Variants in ARHGEF3 observed in about 807,000 individuals in gnomAD.
ARHGEF3 encodes 59.8 kDA protein.
Under a neutral mutation model 63.2 loss-of-function variants are expected in ARHGEF3, and 28 were observed. The observed-to-expected ratio is 0.44, with a 90% confidence interval of 0.33 to 0.61. The LOEUF is 0.61. Among genes scored for constraint, ARHGEF3 ranks in the 20% least tolerant of loss-of-function variants. ARHGEF3 has a pLI of 0.03. For synonymous variants in ARHGEF3, 266 were observed against 254.2 expected (o/e 1.05, Z -0.44); for missense variants, 533 against 659.3 (o/e 0.81, Z 2.10).
intron 2 of ARHGEF3, among the ~76,000 whole-genome samples, chr3:56,770,397 A>G (rs911532045): frequency 6.6e-6 from 1 of 151,300 alleles, no homozygotes; most frequent in Non-Finnish European, 1.5e-5. Context: ...GTGACAGAGC[A>G]AGACTCTGTC....
intron 3 of ARHGEF3, 33 bp downstream of exon 3, chr3:56,754,948 A>G: frequency 6.2e-7 from 1 of 1,613,688 alleles, no homozygotes; most frequent in South Asian, 1.1e-5. Flanking sequence ...TTTGTTCCAG[A>G]CACACAGCCA....
intron 2 of ARHGEF3, among the ~76,000 whole-genome samples, chr3:56,971,735 TC>T (rs1314255879): frequency 4.6e-5 from 7 of 151,748 alleles, no homozygotes; most frequent in African/African-American, 1.7e-4. Context: ...GCAACTGTAG[TC>T]CCAGCTACTC....
Position 56,730,441 on chromosome 3 carries a change from A to T in ARHGEF3, c.1229-819T>A, listed in dbSNP as rs1043306679. On this transcript the variant is annotated intron_variant, in intron 9 of 9. Transcript: ENST00000296315. ...GTCTTGCTCTGGAGTGCAGTGACAC[A>T]ATCTCCGCTCACTGCAACCTCTGCC... Among the ~76,000 whole-genome samples, 4 of 149,694 alleles carry T rather than the reference A, an allele frequency of 2.7e-5. No individual in the cohort carries two copies. The Admixed American group carries it at 2.7e-4, about 10-fold the overall frequency.
At chr3:57,037,737 T>C (rs111641788) in intron 1 of ARHGEF3, among the ~76,000 whole-genome samples, 317 of 152,248 alleles carry the variant, frequency 2.1e-3, no homozygotes, top group African/African-American at 7.4e-3. Context: ...TAGCCAGGCT[T>C]GGTGGCGGGC....
chr3:56,801,513 G>A (rs1267095476), intron 1 of ARHGEF3, among the ~76,000 whole-genome samples, 190 bp downstream of exon 1: 1 of 152,248 alleles, frequency 6.6e-6, no homozygotes, highest in Non-Finnish European at 1.5e-5. Flanking sequence ...AAAGGAGACA[G>A]GGTGAGAGAT....
chr3:56,948,901 CCAG>C (rs1211338072), intron 3 of ARHGEF3, among the ~76,000 whole-genome samples: 1 of 151,994 alleles, frequency 6.6e-6, no homozygotes, highest in African/African-American at 2.4e-5. Flanking sequence ...CAAACTGAAT[CCAG>C]CAGCACATCA....
In ARHGEF3 at chr3:56,968,319, A is replaced by ATT. The variant is rs1484194729; in HGVS notation, c.63-9432_63-9431dup. Among the ~76,000 whole-genome samples the ATT allele has an allele frequency of 2.2e-4, 13 of 58,148 alleles. 2 individuals are homozygous for ATT. Among genetic ancestry groups the ATT allele is most frequent in the Admixed American group, 6.8e-4 (2 of 2,940 alleles). The allele number at this position is 58,148 out of a possible 152,430, so 38.1% of individuals were successfully genotyped here. On this transcript the variant is annotated intron_variant, in intron 2 of 12. Transcript: ENST00000338458. ...ATAATATATAATATATATAAAATAT[A>ATT]TTTTATATATATATAATATATAATA...
chr3:56,808,057 G>A (rs2037928294), intron 4 of ARHGEF3, among the ~76,000 whole-genome samples: 1 of 151,550 alleles, frequency 6.6e-6, no homozygotes. Context: ...CTGGGAGGCA[G>A]AGGTTGCAGT....
chr3:56,850,001 T>A (rs959882151), intron 4 of ARHGEF3, among the ~76,000 whole-genome samples: 1 of 152,180 alleles, frequency 6.6e-6, no homozygotes, highest in Non-Finnish European at 1.5e-5. Context: ...AGTTGTTTTA[T>A]GCATTTTCTG....
chr3:57,025,754 G>A (rs747613977), intron 2 of ARHGEF3, among the ~76,000 whole-genome samples: 4 of 152,068 alleles, frequency 2.6e-5, no homozygotes, highest in Middle Eastern at 3.2e-3. Flanking sequence ...TCCAGGGCAC[G>A]GACTCTATTA....
chr3:57,037,714 A>T (rs926408266), intron 1 of ARHGEF3, among the ~76,000 whole-genome samples: 3 of 152,164 alleles, frequency 2.0e-5, no homozygotes, highest in African/African-American at 7.2e-5. Context: ...CTCTATTAAA[A>T]ACACAAAAAA....
At position 56,755,014 on chromosome 3, in the gene ARHGEF3, C is replaced by G. The variant is rs576332582; in HGVS notation, c.342G>C (p.Gln114His). 2.5e-6 allele frequency: 4 copies of G among 1,614,098 alleles called. No individual in the cohort carries two copies. The highest frequency in any genetic ancestry group is 3.4e-6 in the Non-Finnish European group (4 of 1,180,062). The change falls in exon 3 of 10, where the codon CAG becomes CAC. Residue 114 changes from glutamine (Q) to histidine (H), a missense_variant. Transcript: ENST00000296315. ...GTTTGATTTCCTTGGATGTAAGCATCTGATTGACGCACACATCGAAGGTCT... is the reference window on the plus strand; with the variant it reads ...GTTTGATTTCCTTGGATGTAAGCATGTGATTGACGCACACATCGAAGGTCT... ...WSETFDVCVN[Q>H]MLTSKEIKRQ...
At chr3:57,006,776 G>A (rs550633495) in intron 2 of ARHGEF3, among the ~76,000 whole-genome samples, 3 of 152,176 alleles carry the variant, frequency 2.0e-5, no homozygotes, top group Admixed American at 6.5e-5. Flanking sequence ...TCTCATGCCC[G>A]CCTGGAAATC....
At chr3:57,006,731 C>T (rs528719327) in intron 2 of ARHGEF3, among the ~76,000 whole-genome samples, 1 of 152,286 alleles carries the variant, frequency 6.6e-6, no homozygotes, top group East Asian at 1.9e-4. Flanking sequence ...AATGTGCTGC[C>T]TGCTCTCGAC....
intron 2 of ARHGEF3, among the ~76,000 whole-genome samples, chr3:57,032,478 G>A (rs181977839): frequency 1.2e-4 from 19 of 152,350 alleles, no homozygotes; most frequent in Non-Finnish European, 2.4e-4. Flanking sequence ...CCAAGTGAGA[G>A]CACTGGGTAG....
chr3:56,801,645 G>T, intron 1 of ARHGEF3, 58 bp downstream of exon 1: 1 of 1,534,826 alleles, frequency 6.5e-7, no homozygotes, highest in South Asian at 1.2e-5. Context: ...ATGGGAGATG[G>T]AGGCAGACGA....
At chr3:57,002,065 A>C (rs1467190499) in intron 2 of ARHGEF3, among the ~76,000 whole-genome samples, 1 of 151,712 alleles carries the variant, frequency 6.6e-6, no homozygotes, top group African/African-American at 2.4e-5. Flanking sequence ...CTGGGACTAC[A>C]GGCGCCCACC....
intron 4 of ARHGEF3, among the ~76,000 whole-genome samples, chr3:56,860,226 G>A (rs2040027686): frequency 6.6e-6 from 1 of 151,972 alleles, no homozygotes; most frequent in African/African-American, 2.4e-5. Context: ...CACCCAGGAT[G>A]GAGTGTAGTG....
At chr3:56,835,157 G>A (rs879362558) in intron 4 of ARHGEF3, among the ~76,000 whole-genome samples, 3 of 151,872 alleles carry the variant, frequency 2.0e-5, no homozygotes, top group Admixed American at 6.6e-5. Context: ...TTTAACATTA[G>A]GCTTTTTTTG....
Sources: allele counts gnomAD v4.1 joint callset (sites outside exome capture counted in the v4.1 genomes callset), GRCh38; gene constraint gnomAD v4.1.1; transcripts MANE v1.5; gene names NCBI Gene and HGNC (gene_info 2026-07-23, HGNC 2026-07-21).